RMST: variants seen among roughly 807,000 people sequenced by gnomAD.
The protein encoded by RMST is long intergenic non-protein coding RNA 54.
intron 10 of RMST, among the ~76,000 whole-genome samples, chr12:97,529,322 G>A (rs1331796574): frequency 6.6e-6 from 1 of 152,100 alleles, no homozygotes; most frequent in East Asian, 1.9e-4. Context: ...TGGCAGGAGT[G>A]TTCTCATGTA....
intron 11 of RMST, among the ~76,000 whole-genome samples, chr12:97,539,407 G>A (rs551546690): frequency 3.6e-4 from 55 of 151,386 alleles, no homozygotes; most frequent in Non-Finnish European, 4.4e-4. Flanking sequence ...TCATAAAATC[G>A]CCTAACCATT....
intron 10 of RMST, among the ~76,000 whole-genome samples, chr12:97,518,150 AG>A (rs1880133467): frequency 6.6e-6 from 1 of 152,130 alleles, no homozygotes; most frequent in Non-Finnish European, 1.5e-5. Context: ...ACTTTTTAAA[AG>A]TTTTTTTTAA....
At chr12:97,561,629 C>CTTTT (rs9331504) in intron 13 of RMST, among the ~76,000 whole-genome samples, 7 of 56,682 alleles carry the variant, frequency 1.2e-4, no homozygotes, top group Non-Finnish European at 1.5e-4. Context: ...AGTTTGAAGG[C>CTTTT]TTTTTTTTTT....
In RMST at chr12:97,522,509, T is replaced by A. The variant is rs569026064; in HGVS notation, n.1341-8146T>A. ...ATGCCTTTTGCTTTATGGTCACATG[T>A]GGCCTCACTTCTTGACCATCTCCTA... is the stretch of plus-strand genomic sequence containing the variant. On this transcript the variant is annotated intron_variant and non_coding_transcript_variant, in intron 10 of 13. Transcript: ENST00000640149. Among the ~76,000 whole-genome samples, 6 of 152,294 alleles carry A rather than the reference T, an allele frequency of 3.9e-5. No individual in the cohort carries two copies. In the South Asian group the frequency reaches 1.0e-3, roughly 26 times the overall value.
chr12:97,479,633 T>C (rs961182274), intron 5 of RMST, among the ~76,000 whole-genome samples: 3 of 152,208 alleles, frequency 2.0e-5, no homozygotes, highest in African/African-American at 4.8e-5. Context: ...TGGCTTCCAC[T>C]GTACCATACC....
intron 10 of RMST, among the ~76,000 whole-genome samples, chr12:97,525,664 A>G (rs1324668858): frequency 1.3e-5 from 2 of 152,156 alleles, no homozygotes; most frequent in East Asian, 3.9e-4. Flanking sequence ...CCTCATAAAG[A>G]GTTATGAAAT....
At chr12:97,512,400 G>A (rs536096472) in intron 10 of RMST, among the ~76,000 whole-genome samples, 22 of 152,300 alleles carry the variant, frequency 1.4e-4, no homozygotes, top group Admixed American at 1.2e-3. Flanking sequence ...GCTGGCTCCG[G>A]CAGCCTGCTT....
At chr12:97,562,153 A>G (rs111975819) in intron 13 of RMST, among the ~76,000 whole-genome samples, 3 of 152,124 alleles carry the variant, frequency 2.0e-5, no homozygotes, top group African/African-American at 7.2e-5. Context: ...GTGCCTCGAC[A>G]CTTTAAAACT....
In RMST at chr12:97,480,927, AC is replaced by A. The variant is rs1382769804; in HGVS notation, n.645-11530del. On this transcript the variant is annotated intron_variant and non_coding_transcript_variant, in intron 5 of 13. Transcript: ENST00000640149. ...CCCAACTATCCTTAGCCTTATCAAT[AC>A]CCCGTACATAATCCAGTCATTACAT... Among the ~76,000 whole-genome samples, 7 of 152,182 alleles carry A rather than the reference AC, an allele frequency of 4.6e-5. No individual in the cohort carries two copies. In the East Asian group the frequency reaches 1.4e-3, roughly 30 times the overall value.
intron 10 of RMST, among the ~76,000 whole-genome samples, chr12:97,502,099 T>C (rs1878142285): frequency 6.6e-6 from 1 of 152,178 alleles, no homozygotes; most frequent in Non-Finnish European, 1.5e-5. Context: ...TGTAGGACTT[T>C]TTCTGCAATC....
At chr12:97,555,270 T>C (rs985426055) in intron 11 of RMST, among the ~76,000 whole-genome samples, 1 of 152,336 alleles carries the variant, frequency 6.6e-6, no homozygotes, top group African/African-American at 2.4e-5. Flanking sequence ...AATAATATCT[T>C]GACTGTATAT....
At chr12:97,464,100 GA>G (rs975076174) in intron 4 of RMST, among the ~76,000 whole-genome samples, 2 of 152,154 alleles carry the variant, frequency 1.3e-5, no homozygotes, top group African/African-American at 4.8e-5. Context: ...TATTTATAGT[GA>G]AACATTGCTG....
At chr12:97,560,165 A>G (rs1402481907) in intron 11 of RMST, among the ~76,000 whole-genome samples, 2 of 151,962 alleles carry the variant, frequency 1.3e-5, no homozygotes, top group East Asian at 1.9e-4. Flanking sequence ...GACTGCAGAA[A>G]AAGAAGAAGA....
rs959219824 is a variant in RMST at position 97,467,389 on chromosome 12, A to G, written n.644+1662A>G. Among the ~76,000 whole-genome samples the G allele has an allele frequency of 5.3e-5, 8 of 152,096 alleles. No homozygotes were observed. The East Asian group carries it at 5.8e-4, about 11-fold the overall frequency. ...AAGTCAAAATGAAATCCTGACATCA[A>G]TTTTTCTGTACAAGTTACACAAAGC... On this transcript the variant is annotated intron_variant and non_coding_transcript_variant, in intron 5 of 13. Coordinates refer to ENST00000640149, the Ensembl canonical transcript of RMST.
At chr12:97,468,118 A>G (rs12315547) in intron 5 of RMST, among the ~76,000 whole-genome samples, 2,786 of 152,130 alleles carry the variant, frequency 0.018, 92 homozygotes, top group African/African-American at 0.064. Flanking sequence ...GATTCATGGT[A>G]AAGCTTTATC....
chr12:97,538,432 A>G (rs1882250373), intron 11 of RMST, among the ~76,000 whole-genome samples: 1 of 151,238 alleles, frequency 6.6e-6, no homozygotes, highest in Non-Finnish European at 1.5e-5. Context: ...GGCACTCAGA[A>G]CTCATTAATG....
At chr12:97,464,235 T>C (rs1243191740) in intron 4 of RMST, among the ~76,000 whole-genome samples, 1 of 152,164 alleles carries the variant, frequency 6.6e-6, no homozygotes, top group Non-Finnish European at 1.5e-5. Flanking sequence ...AGGGAGTCTA[T>C]TGGGATGAGT....
At chr12:97,543,684 A>G (rs1882723355) in intron 11 of RMST, among the ~76,000 whole-genome samples, 1 of 151,988 alleles carries the variant, frequency 6.6e-6, no homozygotes, top group African/African-American at 2.4e-5. Context: ...AGTACTTTAC[A>G]TCTAATTCTG....
At chr12:97,482,099 C>T (rs954369025) in intron 5 of RMST, among the ~76,000 whole-genome samples, 3 of 152,130 alleles carry the variant, frequency 2.0e-5, no homozygotes, top group African/African-American at 7.2e-5. Context: ...CTTAAGGAAT[C>T]CCTTTGGAAA....
Sources: allele counts gnomAD v4.1 joint callset (sites outside exome capture counted in the v4.1 genomes callset), GRCh38; gene constraint gnomAD v4.1.1; transcripts MANE v1.5; gene names NCBI Gene and HGNC (gene_info 2026-07-23, HGNC 2026-07-21).